Variants in NPAS3 observed in about 807,000 individuals in gnomAD.
The protein encoded by NPAS3 is neuronal PAS domain-containing protein 3.
NPAS3 carries 14 observed loss-of-function variants against 73.1 expected under a neutral mutation model. The ratio of observed to expected loss-of-function variants is 0.19; its 90% confidence interval spans 0.13 to 0.30. The LOEUF is 0.30. NPAS3 is among the 10% of genes least tolerant of loss of function. The pLI is 1.00. For synonymous variants in NPAS3, 620 were observed against 541.5 expected, an observed-to-expected ratio of 1.14 and a Z score of -2.01; for missense variants, 1,096 against 1,250.0, an observed-to-expected ratio of 0.88 and a Z score of 1.86.
chr14:33,215,426 G>C, exon 3 of NPAS3: 3 of 1,613,788 alleles, frequency 1.9e-6, no homozygotes, highest in South Asian at 1.1e-5. Flanking sequence ...ATCAGTAAAA[G>C]GTAAGTTTTA....
intron 7 of NPAS3, among the ~76,000 whole-genome samples, chr14:33,763,607 C>T (rs1011430406): frequency 5.3e-5 from 8 of 152,184 alleles, no homozygotes; most frequent in Admixed American, 4.6e-4. Flanking sequence ...GAAAGGAGGT[C>T]CTTGCCATCA....
At chr14:32,938,525 A>AGAGAGAGGG (rs1566779564), upstream of NPAS3, among the ~76,000 whole-genome samples, 2 of 66,252 alleles carry the variant, frequency 3.0e-5, no homozygotes, top group African/African-American at 5.4e-5. Context: ...GAGAGAGAGA[A>AGAGAGAGGG]GGGGGGGGAG....
At chr14:33,177,426 A>C (rs1160536064) in intron 2 of NPAS3, among the ~76,000 whole-genome samples, 3 of 151,998 alleles carry the variant, frequency 2.0e-5, no homozygotes. Flanking sequence ...GTCTTATCTA[A>C]TATGTGATTT....
At chr14:33,772,922 G>T (rs956886414) in intron 7 of NPAS3, among the ~76,000 whole-genome samples, 1 of 152,140 alleles carries the variant, frequency 6.6e-6, no homozygotes, top group South Asian at 2.1e-4. Flanking sequence ...CCTCCTTATT[G>T]GTGCTTCCAG....
At chr14:33,446,682 G>A (rs912145975) in intron 4 of NPAS3, among the ~76,000 whole-genome samples, 6 of 152,042 alleles carry the variant, frequency 3.9e-5, no homozygotes, top group South Asian at 2.1e-4. Flanking sequence ...TTTTAACTGC[G>A]TAATTCTATT....
chr14:33,024,709 G>C (rs756203602), intron 1 of NPAS3, among the ~76,000 whole-genome samples: 36 of 152,256 alleles, frequency 2.4e-4, no homozygotes, highest in Middle Eastern at 3.4e-3. Flanking sequence ...ACACACCTAA[G>C]ACTATAGAAA....
chr14:33,725,266 AAAAT>A (rs909086236), intron 6 of NPAS3, among the ~76,000 whole-genome samples: 10 of 152,188 alleles, frequency 6.6e-5, no homozygotes, highest in Non-Finnish European at 1.0e-4. Flanking sequence ...AGTATAATAA[AAAAT>A]AAATAAATAA....
At chr14:33,709,983 T>C (rs2060771875) in intron 6 of NPAS3, among the ~76,000 whole-genome samples, 1 of 152,224 alleles carries the variant, frequency 6.6e-6, no homozygotes, top group Non-Finnish European at 1.5e-5. Flanking sequence ...CTCACACTTG[T>C]GTTAGCAAGA....
chr14:33,549,559 T>C (rs2055011694), intron 4 of NPAS3, among the ~76,000 whole-genome samples: 1 of 152,200 alleles, frequency 6.6e-6, no homozygotes, highest in Admixed American at 6.5e-5. Flanking sequence ...GATTATTTGA[T>C]ACATCAATCA....
intron 6 of NPAS3, among the ~76,000 whole-genome samples, chr14:33,689,946 T>C (rs925786786): frequency 6.6e-6 from 1 of 152,198 alleles, no homozygotes. Flanking sequence ...TTGCAGCTTC[T>C]AGCCCGGCCT....
chr14:33,069,147 A>T lies in NPAS3; in HGVS notation c.140+13153A>T, dbSNP rs554661130. On this transcript the variant is annotated intron_variant, in intron 2 of 11. Coordinates refer to ENST00000356141, the Ensembl canonical transcript of NPAS3. Reference sequence around the variant, plus strand: ...TAATCAAGGTGTGATTTGTACCAAGACGAAGTGGATAAAGAAGAGAGAGAG... The same window carrying T: ...TAATCAAGGTGTGATTTGTACCAAGTCGAAGTGGATAAAGAAGAGAGAGAG... 4.6e-5 allele frequency among the ~76,000 whole-genome samples: 7 copies of T among 152,330 alleles called. No individual in the cohort carries two copies. The South Asian group carries it at 1.4e-3, about 32-fold the overall frequency.
chr14:33,068,507 A>G (rs1353329217), intron 2 of NPAS3, among the ~76,000 whole-genome samples: 1 of 152,218 alleles, frequency 6.6e-6, no homozygotes, highest in African/African-American at 2.4e-5. Context: ...ATCAGTGGAC[A>G]AAGGCCATAA....
intron 7 of NPAS3, among the ~76,000 whole-genome samples, chr14:33,771,124 A>G (rs2062637325): frequency 6.6e-6 from 1 of 152,198 alleles, no homozygotes; most frequent in African/African-American, 2.4e-5. Context: ...TAAAATGAAA[A>G]ATTCAGCGAT....
chr14:33,321,872 T>G (rs11848018), intron 3 of NPAS3, among the ~76,000 whole-genome samples: 4,186 of 152,250 alleles, frequency 0.027, 153 homozygotes, highest in African/African-American at 0.087. Context: ...AAAATCAACT[T>G]TGTTACTAGT....
intron 7 of NPAS3, among the ~76,000 whole-genome samples, chr14:33,735,942 G>A (rs1048012395): frequency 1.3e-5 from 2 of 152,156 alleles, no homozygotes; most frequent in African/African-American, 4.8e-5. Context: ...TCATTTTAAG[G>A]TTAAGGATAT....
At chr14:33,453,745 T>G (rs568398232) in intron 4 of NPAS3, among the ~76,000 whole-genome samples, 39 of 152,342 alleles carry the variant, frequency 2.6e-4, no homozygotes, top group Middle Eastern at 3.4e-3. Context: ...ATTTTTTAAG[T>G]GTTAGAATAA....
At chr14:33,353,679 T>A (rs1015632352) in intron 3 of NPAS3, among the ~76,000 whole-genome samples, 1 of 152,204 alleles carries the variant, frequency 6.6e-6, no homozygotes, top group Non-Finnish European at 1.5e-5. Context: ...ATGAACCTGG[T>A]AGGAAAGTCA....
chr14:33,312,749 C>A (rs2043053855), intron 3 of NPAS3, among the ~76,000 whole-genome samples: 1 of 151,926 alleles, frequency 6.6e-6, no homozygotes, highest in African/African-American at 2.4e-5. Context: ...TAGCATTTTT[C>A]TCAGATGTTG....
intron 1 of NPAS3, among the ~76,000 whole-genome samples, chr14:33,021,993 G>C (rs935628830): frequency 6.6e-6 from 1 of 152,164 alleles, no homozygotes; most frequent in Non-Finnish European, 1.5e-5. Flanking sequence ...AGGTTAGGTG[G>C]TGTGGCTGAA....
Sources: gnomAD v4.1 joint callset for allele counts (sites outside exome capture counted in the v4.1 genomes callset) on GRCh38, gnomAD v4.1.1 for gene constraint, MANE v1.5 for transcripts, NCBI Gene and HGNC (gene_info 2026-07-23, HGNC 2026-07-21) for gene names.